The following LRFN2 variants were observed in gnomAD, a reference collection of about 807,000 sequenced individuals.
LRFN2 encodes the protein leucine-rich repeat and fibronectin type-III domain-containing protein 2.
In LRFN2, 18 loss-of-function variants were observed where a neutral mutation model predicts 37.3. The ratio of observed to expected loss-of-function variants is 0.48; its 90% CI spans 0.33 to 0.72. LRFN2 has a LOEUF of 0.72. Ranked by LOEUF, LRFN2 falls within the 30% of genes least tolerant of loss-of-function variation. The probability of loss-of-function intolerance (pLI) is 0.02; values close to 1 mark genes in which losing one functional copy is unlikely to be tolerated. For synonymous variants in LRFN2, 556 were observed against 466.6 expected, an observed-to-expected ratio of 1.19 and a Z score of -2.47; for missense variants, 1,006 against 1,060.7, an observed-to-expected ratio of 0.95 and a Z score of 0.72.
At chr6:40,527,044 C>T (rs1766268261) in intron 1 of LRFN2, among the ~76,000 whole-genome samples, 1 of 152,174 alleles carries the variant, frequency 6.6e-6, no homozygotes, top group African/African-American at 2.4e-5. Flanking sequence ...GCCGTAACTC[C>T]AATGTGGCTA....
intron 1 of LRFN2, among the ~76,000 whole-genome samples, chr6:40,481,301 G>A (rs551058287): frequency 4.6e-5 from 7 of 152,168 alleles, no homozygotes; most frequent in African/African-American, 1.2e-4. Context: ...CAGGCATGGT[G>A]GCACATGCCT....
chr6:40,491,235 C>G (rs1461122141), intron 1 of LRFN2, among the ~76,000 whole-genome samples: 1 of 152,204 alleles, frequency 6.6e-6, no homozygotes, highest in African/African-American at 2.4e-5. Context: ...CTTCATTCTC[C>G]CCACCTCAAT....
At chr6:40,549,583 T>C (rs1198683316) in intron 1 of LRFN2, among the ~76,000 whole-genome samples, 1 of 152,218 alleles carries the variant, frequency 6.6e-6, no homozygotes, top group Non-Finnish European at 1.5e-5. Flanking sequence ...CTGTGGCCTA[T>C]AATCCAAATT....
rs532622249 is a variant in LRFN2, at chr6:40,497,566, C to T, written c.-18-64435G>A. 3.3e-5 allele frequency among the ~76,000 whole-genome samples: 5 copies of T among 152,290 alleles called. No individual in the cohort carries two copies. The East Asian group carries it at 9.7e-4, about 29-fold the overall frequency. On this transcript the variant is annotated intron_variant, in intron 1 of 2. Coordinates refer to ENST00000338305, the MANE Select transcript of LRFN2 (RefSeq NM_020737.3). ...AGCATCTAATAAGTCCCTTGTACTACACAGAACACAAGGTGACATCATGTC... is the reference window on the plus strand; with the variant it reads ...AGCATCTAATAAGTCCCTTGTACTATACAGAACACAAGGTGACATCATGTC...
At chr6:40,506,881 A>G (rs934639361) in intron 1 of LRFN2, among the ~76,000 whole-genome samples, 47 of 152,280 alleles carry the variant, frequency 3.1e-4, no homozygotes, top group African/African-American at 1.1e-3. Flanking sequence ...CAGCTTCCTC[A>G]GATGCCAAAT....
Position 40,397,691 on chromosome 6 carries a change from T to A in LRFN2, c.1401-4779A>T, listed in dbSNP as rs140526884. Among the ~76,000 whole-genome samples, 953 of 152,258 alleles carry A rather than the reference T, an allele frequency of 6.3e-3. 12 individuals are homozygous for A. Among genetic ancestry groups the A allele is most frequent in the African/African-American group, 0.022 (907 of 41,550 alleles). On this transcript the variant is annotated intron_variant, in intron 2 of 2. Coordinates refer to ENST00000338305, the MANE Select transcript of LRFN2 (RefSeq NM_020737.3). ...GGGCAGATGGCACTTCCTAGAAGGA[T>A]AATTAAAGATCTTATTTATCAAGGG...
Position 40,391,971 on chromosome 6 carries a change from G to A in LRFN2, c.2342C>T (p.Ser781Phe). The A allele has an allele frequency of 6.3e-7, 1 of 1,593,784 alleles. No individual in the cohort carries two copies. The change falls in exon 3 of 3, where the codon TCC becomes TTC. Residue 781 changes from serine to phenylalanine, a missense_variant. Around this residue, in one of 4 missense-constraint regions of LRFN2, gnomAD observed 398 missense variants for 327.6 expected, o/e 1.21. Coordinates refer to ENST00000338305, the MANE Select transcript of LRFN2 (RefSeq NM_020737.3). ...GACCGTGCTCTCCATCACCCATTCG[G>A]AGCTGCCAAAAGTCCCCCGGGCCCC... ...LVGARGTFGS[S>F]EWVMESTV is the part of the protein sequence containing the mutation.
In LRFN2 at chr6:40,410,658, C is replaced by T. The variant is rs369051922; in HGVS notation, c.1401-17746G>A. Among the ~76,000 whole-genome samples the T allele has an allele frequency of 5.9e-5, 9 of 152,282 alleles. No individual in the cohort carries two copies. The South Asian group carries it at 1.7e-3, about 28-fold the overall frequency. The stretch of plus-strand genomic sequence containing the variant: ...GAATGCTTACATACTTTATTATTGT[C>T]TATCTTCTATTTATCTTTCTATCAT... On this transcript the variant is annotated intron_variant, in intron 2 of 2. Transcript: ENST00000338305.
At chr6:40,568,783 G>A (rs1767136281) in intron 1 of LRFN2, among the ~76,000 whole-genome samples, 1 of 151,236 alleles carries the variant, frequency 6.6e-6, no homozygotes, top group African/African-American at 2.4e-5. Flanking sequence ...GTGCAATGGT[G>A]CGATCTCGGC....
chr6:40,415,516 C>A (rs1467046835), intron 2 of LRFN2, among the ~76,000 whole-genome samples: 1 of 152,150 alleles, frequency 6.6e-6, no homozygotes, highest in African/African-American at 2.4e-5. Flanking sequence ...ATGAGCCACG[C>A]ACCCGGCCTG....
intron 1 of LRFN2, among the ~76,000 whole-genome samples, chr6:40,539,623 C>G (rs906328741): frequency 2.0e-5 from 3 of 152,202 alleles, no homozygotes; most frequent in Non-Finnish European, 4.4e-5. Context: ...GAGGCACATC[C>G]CAAGTGCACA....
At chr6:40,471,473 G>T (rs1273816450) in intron 1 of LRFN2, among the ~76,000 whole-genome samples, 1 of 151,656 alleles carries the variant, frequency 6.6e-6, no homozygotes, top group East Asian at 2.0e-4. Flanking sequence ...ACACTGAACT[G>T]CCCTGGGAGA....
chr6:40,445,365 C>T (rs1373444271), intron 1 of LRFN2, among the ~76,000 whole-genome samples: 1 of 152,176 alleles, frequency 6.6e-6, no homozygotes, highest in East Asian at 1.9e-4. Flanking sequence ...CCAGGTATGT[C>T]CTACCCCCTC....
intron 1 of LRFN2, among the ~76,000 whole-genome samples, chr6:40,557,553 C>A (rs1021028188): frequency 6.6e-6 from 1 of 152,114 alleles, no homozygotes; most frequent in Non-Finnish European, 1.5e-5. Flanking sequence ...CAGGCCTTGA[C>A]CCTGAAGGCC....
intron 1 of LRFN2, among the ~76,000 whole-genome samples, chr6:40,574,788 C>T (rs779111260): frequency 7.2e-5 from 11 of 152,136 alleles, no homozygotes; most frequent in South Asian, 4.2e-4. Context: ...AGCAGGGCCA[C>T]GGAAGTGAAG....
chr6:40,445,468 G>A (rs1269000076), intron 1 of LRFN2, among the ~76,000 whole-genome samples: 1 of 152,186 alleles, frequency 6.6e-6, no homozygotes, highest in African/African-American at 2.4e-5. Flanking sequence ...TAGGGCAAGG[G>A]AACTTTTCTT....
chr6:40,514,981 C>T (rs1765820856), intron 1 of LRFN2, among the ~76,000 whole-genome samples: 1 of 152,224 alleles, frequency 6.6e-6, no homozygotes, highest in Non-Finnish European at 1.5e-5. Flanking sequence ...GCCACCTGGG[C>T]AGCTCCCAGA....
chr6:40,541,449 C>T (rs1159516618), intron 1 of LRFN2, among the ~76,000 whole-genome samples: 4 of 152,278 alleles, frequency 2.6e-5, no homozygotes, highest in Non-Finnish European at 2.9e-5. Context: ...TCTCCGAGGG[C>T]TTTGTTCACC....
chr6:40,526,395 C>T lies in LRFN2; in HGVS notation c.-19+60546G>A, dbSNP rs192893569. ...CCTTAGCAAAGACAGAAAATGACAACTTTTGCCTCCTCCCAGTTCTGATCT... is the reference window on the plus strand; with the variant it reads ...CCTTAGCAAAGACAGAAAATGACAATTTTTGCCTCCTCCCAGTTCTGATCT... On this transcript the variant is annotated intron_variant, in intron 1 of 2. Transcript: ENST00000338305. Among the ~76,000 whole-genome samples the T allele has an allele frequency of 6.1e-3, 932 of 152,316 alleles. 15 individuals are homozygous for T. The highest frequency in any genetic ancestry group is 0.021 in the African/African-American group (869 of 41,552).
Sources: allele counts gnomAD v4.1 joint callset (sites outside exome capture counted in the v4.1 genomes callset), GRCh38; gene constraint gnomAD v4.1.1; regional missense constraint gnomAD v4.1.1; transcripts MANE v1.5; gene names NCBI Gene and HGNC (gene_info 2026-07-23, HGNC 2026-07-21).